Variants in SLC25A48 observed in about 807,000 individuals in gnomAD.
SLC25A48 encodes solute carrier family 25 member 48, also known as CTC-321K16.1.
Under a neutral mutation model 32.2 loss-of-function variants are expected in SLC25A48, and 29 were observed. The ratio of observed to expected loss-of-function variants is 0.90; its 90% CI spans 0.67 to 1.23. The LOEUF is 1.23. Among genes scored for constraint, SLC25A48 ranks in the 50% most tolerant of loss-of-function variants. SLC25A48 has a pLI of 0.00. For synonymous variants in SLC25A48, 164 were observed against 172.3 expected (o/e 0.95, Z 0.38); for missense variants, 399 against 422.7 (o/e 0.94, Z 0.49).
At chr5:135,586,901 G>A (rs897933979) in intron 1 of SLC25A48, among the ~76,000 whole-genome samples, 17 of 152,128 alleles carry the variant, frequency 1.1e-4, no homozygotes, top group African/African-American at 3.9e-4. Flanking sequence ...TGTGTGATTC[G>A]GTTTTGCCTT....
intron 1 of SLC25A48, among the ~76,000 whole-genome samples, chr5:135,835,877 A>G (rs1236428874): frequency 3.9e-5 from 6 of 152,066 alleles, no homozygotes; most frequent in African/African-American, 1.4e-4. Flanking sequence ...CGGTGGCTGC[A>G]GGGCCCTGCT....
intron 3 of SLC25A48, among the ~76,000 whole-genome samples, chr5:135,689,393 A>G (rs1281357447): frequency 6.6e-6 from 1 of 152,188 alleles, no homozygotes. Context: ...TAATTGGTCA[A>G]TTGAGGTTTG....
chr5:135,708,338 C>T (rs935838511), intron 3 of SLC25A48, among the ~76,000 whole-genome samples: 1 of 152,202 alleles, frequency 6.6e-6, no homozygotes. Context: ...ATGAGCACCT[C>T]TTTCATGTAG....
chr5:135,775,478 T>G (rs955710083), intron 3 of SLC25A48, among the ~76,000 whole-genome samples: 1 of 151,610 alleles, frequency 6.6e-6, no homozygotes, highest in Non-Finnish European at 1.5e-5. Flanking sequence ...CACCCCCCTG[T>G]GCTATTGTTT....
intron 3 of SLC25A48, among the ~76,000 whole-genome samples, chr5:135,743,073 C>CCT (rs1755547124): frequency 2.5e-5 from 1 of 39,748 alleles, no homozygotes; most frequent in African/African-American, 6.7e-5. Flanking sequence ...CCCTTCCCTT[C>CCT]ATTTTTTTTT....
intron 1 of SLC25A48, among the ~76,000 whole-genome samples, chr5:135,595,939 T>A (rs1479540623): frequency 6.6e-6 from 1 of 152,186 alleles, no homozygotes; most frequent in Non-Finnish European, 1.5e-5. Context: ...ATGATCCTCT[T>A]GGTCCTTTTG....
intron 3 of SLC25A48, among the ~76,000 whole-genome samples, chr5:135,756,330 A>T (rs1398450624): frequency 1.3e-5 from 2 of 152,102 alleles, no homozygotes; most frequent in East Asian, 3.9e-4. Flanking sequence ...ACACACTATG[A>T]TATTAATAAA....
chr5:135,636,606 C>A (rs1409549276), intron 3 of SLC25A48, among the ~76,000 whole-genome samples: 2 of 152,192 alleles, frequency 1.3e-5, no homozygotes, highest in African/African-American at 2.4e-5. Context: ...CTGCAGGAAT[C>A]TGCTCACGTT....
At chr5:135,663,429 TA>T (rs772277831) in intron 3 of SLC25A48, among the ~76,000 whole-genome samples, 1 of 151,864 alleles carries the variant, frequency 6.6e-6, no homozygotes, top group Non-Finnish European at 1.5e-5. Context: ...TCATAACAAC[TA>T]AAAATGTCTG....
At chr5:135,752,128 T>C (rs1207855325) in intron 3 of SLC25A48, among the ~76,000 whole-genome samples, 1 of 152,172 alleles carries the variant, frequency 6.6e-6, no homozygotes, top group Non-Finnish European at 1.5e-5. Context: ...AGTAAATCTT[T>C]CTTAGATATA....
At chr5:135,769,748 G>A (rs1051396113) in intron 3 of SLC25A48, among the ~76,000 whole-genome samples, 3 of 151,512 alleles carry the variant, frequency 2.0e-5, no homozygotes, top group East Asian at 3.9e-4. Context: ...ATCGCAGGAC[G>A]TGTACACCCT....
intron 4 of SLC25A48, among the ~76,000 whole-genome samples, chr5:135,857,377 G>T (rs1760415138): frequency 6.6e-6 from 1 of 152,232 alleles, no homozygotes; most frequent in Admixed American, 6.5e-5. Context: ...CTCCTGGCCA[G>T]TGTTAGGGAG....
At chr5:135,850,728 C>T (rs1332344771) in intron 3 of SLC25A48, among the ~76,000 whole-genome samples, 2 of 152,260 alleles carry the variant, frequency 1.3e-5, no homozygotes, top group Non-Finnish European at 2.9e-5. Context: ...TGTGTGTAAC[C>T]TCTGTGGAGA....
At chr5:135,604,305 C>T (rs1325331200) in intron 1 of SLC25A48, among the ~76,000 whole-genome samples, 1 of 152,228 alleles carries the variant, frequency 6.6e-6, no homozygotes, top group Non-Finnish European at 1.5e-5. Flanking sequence ...AGCCCAGGGC[C>T]AGCCTGGGCC....
At chr5:135,800,293 G>T (rs1757289143) in intron 3 of SLC25A48, among the ~76,000 whole-genome samples, 3 of 151,900 alleles carry the variant, frequency 2.0e-5, no homozygotes. Context: ...AGCAAAGGGT[G>T]TACAGCCCGC....
At chr5:135,855,955 C>T (rs565804151) in intron 4 of SLC25A48, among the ~76,000 whole-genome samples, 9 of 152,350 alleles carry the variant, frequency 5.9e-5, no homozygotes, top group South Asian at 2.1e-4. Context: ...CCTCATCTCT[C>T]GTTCCTCCTT....
At chr5:135,608,529 A>T (rs1344543513) in intron 1 of SLC25A48, among the ~76,000 whole-genome samples, 4 of 152,240 alleles carry the variant, frequency 2.6e-5, no homozygotes, top group Non-Finnish European at 5.9e-5. Context: ...AGCTGGGTCC[A>T]TTGGAGGAAG....
At chr5:135,816,758 A>G (rs1391851498) in intron 4 of SLC25A48, among the ~76,000 whole-genome samples, 1 of 152,244 alleles carries the variant, frequency 6.6e-6, no homozygotes, top group Non-Finnish European at 1.5e-5. Context: ...AGAAACCACT[A>G]TTTAAAGATG....
At chr5:135,728,255 CAAAA>C (rs10578008) in intron 3 of SLC25A48, among the ~76,000 whole-genome samples, 7 of 131,280 alleles carry the variant, frequency 5.3e-5, no homozygotes, top group East Asian at 2.1e-4. Context: ...GACTCTGTCT[CAAAA>C]AAAAAAAAAA....
Sources: gnomAD v4.1 joint callset for allele counts (sites outside exome capture counted in the v4.1 genomes callset) on GRCh38, gnomAD v4.1.1 for gene constraint, MANE v1.5 for transcripts, NCBI Gene and HGNC (gene_info 2026-07-23, HGNC 2026-07-21) for gene names.